POU6F2: variants seen among roughly 807,000 people sequenced by gnomAD.
POU6F2 encodes POU class 6 homeobox 2, also known as POU domain, class 6, transcription factor 2.
A neutral mutation model predicts 71.3 loss-of-function variants in POU6F2; 31 were observed. The observed-to-expected ratio is 0.43, with a 90% CI of 0.33 to 0.59. POU6F2 has a LOEUF of 0.59. POU6F2 is among the 20% of genes least tolerant of loss of function. The probability of loss-of-function intolerance (pLI) is 0.04; values close to 1 mark genes in which losing one functional copy is unlikely to be tolerated. For synonymous variants in POU6F2, 347 were observed against 355.7 expected (o/e 0.98, Z 0.27); for missense variants, 783 against 856.8 (o/e 0.91, Z 1.07).
chr7:39,014,940 C>A (rs1789432356), intron 1 of POU6F2, among the ~76,000 whole-genome samples: 1 of 152,046 alleles, frequency 6.6e-6, no homozygotes, highest in South Asian at 2.1e-4. Flanking sequence ...GCTGTTGACT[C>A]CTCTATTAGT....
Position 39,339,834 on chromosome 7 carries a change from C to A in POU6F2, c.791C>A (p.Pro264Gln). ...CAGCCACCACCCGCCTCTCAGCAGC[C>A]GCCAGCTCCTACATCTCAGCTGCAA... Reference protein sequence around the residue: ...PQQPPPASQQPPAPTSQLQQA... With the variant: ...PQQPPPASQQQPAPTSQLQQA... The change falls in exon 5 of 10, where the codon CCG becomes CAG. Residue 264 changes from proline to glutamine, a missense_variant. Transcript: ENST00000518318. 1 of 1,594,138 alleles carries A rather than the reference C, an allele frequency of 6.3e-7. No homozygotes were observed. The highest frequency in any genetic ancestry group is 8.5e-7 in the Non-Finnish European group (1 of 1,170,396).
chr7:39,083,458 G>A (rs1479318234), intron 1 of POU6F2: 1 of 152,096 alleles, frequency 6.6e-6, no homozygotes, highest in African/African-American at 2.4e-5. Flanking sequence ...GTATACTTAG[G>A]AATGCCACGA....
chr7:39,406,897 G>C (rs566131462), intron 6 of POU6F2, among the ~76,000 whole-genome samples, 157 bp downstream of exon 6: 1 of 152,142 alleles, frequency 6.6e-6, no homozygotes, highest in African/African-American at 2.4e-5. Context: ...AGGGTTGGGA[G>C]GTGTTTCTAT....
intron 1 of POU6F2, among the ~76,000 whole-genome samples, chr7:38,986,574 A>T (rs79679364): frequency 0.021 from 3,216 of 152,188 alleles, 114 homozygotes; most frequent in African/African-American, 0.072. Context: ...TCTGAGTAAA[A>T]GTGACAGTAC....
chr7:38,998,817 T>C (rs921216870), intron 1 of POU6F2, among the ~76,000 whole-genome samples: 2 of 69,478 alleles, frequency 2.9e-5, no homozygotes, highest in Non-Finnish European at 5.4e-5. Context: ...ACCCGGCTAA[T>C]TTTTTTTTTT....
At chr7:38,991,911 C>T (rs891743370) in intron 1 of POU6F2, among the ~76,000 whole-genome samples, 5 of 151,866 alleles carry the variant, frequency 3.3e-5, no homozygotes, top group African/African-American at 1.2e-4. Flanking sequence ...AACATTTTCT[C>T]TTCTCTCTCC....
At chr7:39,314,183 A>T (rs1456078547) in intron 4 of POU6F2, among the ~76,000 whole-genome samples, 6 of 152,274 alleles carry the variant, frequency 3.9e-5, no homozygotes, top group Admixed American at 3.9e-4. Context: ...CTGCACTTTG[A>T]ATCACAACAC....
intron 4 of POU6F2, among the ~76,000 whole-genome samples, chr7:39,328,758 G>A (rs563357351): frequency 6.6e-6 from 1 of 152,234 alleles, no homozygotes; most frequent in East Asian, 1.9e-4. Context: ...ATAAATACAG[G>A]ACTTGACATG....
At chr7:39,228,291 T>C (rs1167482321) in intron 4 of POU6F2, among the ~76,000 whole-genome samples, 1 of 152,224 alleles carries the variant, frequency 6.6e-6, no homozygotes, top group Non-Finnish European at 1.5e-5. Context: ...TAAAACTTTT[T>C]CCTGAGAGCT....
At chr7:39,222,432 C>G (rs143003223) in intron 4 of POU6F2, among the ~76,000 whole-genome samples, 1 of 152,256 alleles carries the variant, frequency 6.6e-6, no homozygotes, top group Non-Finnish European at 1.5e-5. Context: ...ATCATCTTAA[C>G]CATTTTTAAG....
At chr7:39,192,413 A>G (rs1793688482) in intron 2 of POU6F2, among the ~76,000 whole-genome samples, 1 of 152,172 alleles carries the variant, frequency 6.6e-6, no homozygotes, top group Admixed American at 6.5e-5. Context: ...CTGAGAGCAA[A>G]TAACTGAAAT....
At chr7:39,238,130 A>T (rs1222928144) in intron 4 of POU6F2, among the ~76,000 whole-genome samples, 1 of 152,174 alleles carries the variant, frequency 6.6e-6, no homozygotes, top group Admixed American at 6.6e-5. Flanking sequence ...CTAAATGTGC[A>T]TGGAAAGAGC....
intron 9 of POU6F2, among the ~76,000 whole-genome samples, chr7:39,462,371 AT>A (rs2116170362): frequency 6.6e-6 from 1 of 152,330 alleles, no homozygotes; most frequent in Non-Finnish European, 1.5e-5. Flanking sequence ...TATTGGAACA[AT>A]TTAAGTGAAT....
chr7:39,077,816 G>A (rs1791030774), intron 1 of POU6F2, among the ~76,000 whole-genome samples: 1 of 152,080 alleles, frequency 6.6e-6, no homozygotes, highest in Non-Finnish European at 1.5e-5. Flanking sequence ...AAAGTATTGG[G>A]GATTAGTGGG....
intron 1 of POU6F2, among the ~76,000 whole-genome samples, chr7:39,009,197 C>A (rs981327929): frequency 3.1e-4 from 47 of 151,494 alleles, no homozygotes; most frequent in African/African-American, 7.7e-4. Context: ...CTTTTATTTC[C>A]TTGAGCAGTG....
intron 4 of POU6F2, among the ~76,000 whole-genome samples, chr7:39,330,538 G>T (rs1236197828): frequency 3.3e-5 from 5 of 152,024 alleles, no homozygotes; most frequent in Non-Finnish European, 7.4e-5. Context: ...CTTTAATATG[G>T]CTACCTTATT....
intron 4 of POU6F2, among the ~76,000 whole-genome samples, chr7:39,223,046 C>T (rs1285079793): frequency 6.6e-6 from 1 of 152,192 alleles, no homozygotes; most frequent in Non-Finnish European, 1.5e-5. Context: ...ACATCCTTAA[C>T]AACATTTACA....
chr7:39,386,519 G>A (rs538906526), intron 5 of POU6F2, among the ~76,000 whole-genome samples: 1 of 152,260 alleles, frequency 6.6e-6, no homozygotes, highest in Non-Finnish European at 1.5e-5. Flanking sequence ...TTGCTCCTCT[G>A]AGGACAAGGG....
intron 4 of POU6F2, among the ~76,000 whole-genome samples, chr7:39,230,704 T>C (rs1794557693): frequency 6.6e-6 from 1 of 152,128 alleles, no homozygotes; most frequent in Non-Finnish European, 1.5e-5. Flanking sequence ...TCAGAATTGA[T>C]ACAAATAGTT....
Sources: allele counts gnomAD v4.1 joint callset (sites outside exome capture counted in the v4.1 genomes callset), GRCh38; gene constraint gnomAD v4.1.1; transcripts MANE v1.5; gene names NCBI Gene and HGNC (gene_info 2026-07-23, HGNC 2026-07-21).